NCBP3: variants seen among roughly 807,000 people sequenced by gnomAD.
The protein encoded by NCBP3 is nuclear cap-binding protein subunit 3.
In NCBP3, 20 loss-of-function variants were observed where a neutral mutation model predicts 75.7. That is an observed-to-expected ratio of 0.26 (90% CI 0.19 to 0.38). The LOEUF is 0.38. Among genes scored for constraint, NCBP3 ranks in the 10% least tolerant of loss-of-function variants. NCBP3 has a pLI of 1.00. For synonymous variants in NCBP3, 293 were observed against 290.5 expected (o/e 1.01, Z -0.09); for missense variants, 678 against 796.9 (o/e 0.85, Z 1.80).
In NCBP3 at chr17:3,802,954, TC is replaced by T. The variant is rs1387821784; in HGVS notation, c.*10089del. The stretch of plus-strand genomic sequence containing the variant: ...AGAATGCGGACTCATCCTGCATCCA[TC>T]CAGTATGTATTTATCCAAGCGTCAG... On this transcript the variant is annotated 3_prime_UTR_variant, in exon 13 of 13. Coordinates refer to ENST00000389005, the MANE Select transcript of NCBP3 (RefSeq NM_001114118.3). 1.3e-5 allele frequency: 2 copies of T among 152,336 alleles called. No homozygotes were observed. The highest frequency in any genetic ancestry group is 4.8e-5 in the African/African-American group (2 of 41,562). 9.4% of individuals were successfully genotyped at this position (152,336 alleles called of 1,614,324 possible).
chr17:3,841,602 CTT>C (rs373561293), intron 2 of NCBP3, among the ~76,000 whole-genome samples: 187 of 118,014 alleles, frequency 1.6e-3, no homozygotes, highest in Non-Finnish European at 1.9e-3. Flanking sequence ...AATTCTCTCT[CTT>C]TTTTTTTTTT....
chr17:3,844,877 T>C (rs1597419443), intron 1 of NCBP3, among the ~76,000 whole-genome samples: 2 of 152,296 alleles, frequency 1.3e-5, no homozygotes, highest in Admixed American at 1.3e-4. Flanking sequence ...GAAGTTGCGG[T>C]GAGCCGAGAT....
At chr17:3,837,992 ATT>A (rs370693601) in intron 3 of NCBP3, among the ~76,000 whole-genome samples, 2,299 of 128,834 alleles carry the variant, frequency 0.018, 49 homozygotes, top group African/African-American at 0.056. Flanking sequence ...AAAAAAAAAA[ATT>A]TTTTTAAATT....
At position 3,812,268 on chromosome 17, in the gene NCBP3, T is replaced by C. The variant is rs558638001; in HGVS notation, c.*776A>G. ...AAAATTTAAACTTTCAAATCATTCA[T>C]GTTTTAAACATAATACAGACTTAAA... On this transcript the variant is annotated 3_prime_UTR_variant, in exon 13 of 13. Coordinates refer to ENST00000389005, the MANE Select transcript of NCBP3 (RefSeq NM_001114118.3). The C allele has an allele frequency of 6.5e-6, 1 of 153,240 alleles. No individual in the cohort carries two copies. 9.5% of individuals were successfully genotyped at this position (153,240 alleles called of 1,614,324 possible).
At chr17:3,833,585 T>C (rs576069031) in intron 3 of NCBP3, among the ~76,000 whole-genome samples, 6 of 152,060 alleles carry the variant, frequency 3.9e-5, no homozygotes, top group East Asian at 3.9e-4. Flanking sequence ...GATGAGAGGA[T>C]TGCTTGAGCC....
chr17:3,842,837 G>C (rs879370433), intron 2 of NCBP3, among the ~76,000 whole-genome samples: 1 of 152,056 alleles, frequency 6.6e-6, no homozygotes, highest in African/African-American at 2.4e-5. Flanking sequence ...GTAGAGACGG[G>C]TCTCACTATG....
Position 3,809,882 on chromosome 17 carries a change from A to G in NCBP3, c.*3162T>C, listed in dbSNP as rs2053383341. On this transcript the variant is annotated 3_prime_UTR_variant, in exon 13 of 13. Coordinates refer to ENST00000389005, the MANE Select transcript of NCBP3 (RefSeq NM_001114118.3). ...AAGCTATGACATGGATGAACCTCAG[A>G]AATATGTTAAGAAGCCAGTCACAAA... 6.6e-6 allele frequency: 1 copy of G among 152,204 alleles called. No homozygotes were observed. 9.4% of individuals were successfully genotyped at this position (152,204 alleles called of 1,614,324 possible). A position where few individuals can be genotyped will look rare whatever the true frequency, so the allele number is the denominator to read the frequency against.
At chr17:3,819,766 A>G (rs1179603293) in intron 9 of NCBP3, among the ~76,000 whole-genome samples, 2 of 152,182 alleles carry the variant, frequency 1.3e-5, no homozygotes, top group Non-Finnish European at 2.9e-5. Flanking sequence ...TGTTCCCAAG[A>G]GTTATACTAT....
rs2143633710 is a variant in NCBP3 at position 3,813,277 on chromosome 17, T to C, written c.1630A>G (p.Asn544Asp). The C allele has an allele frequency of 6.2e-7, 1 of 1,613,896 alleles. No individual in the cohort carries two copies. Among genetic ancestry groups the C allele is most frequent in the African/African-American group, 1.3e-5 (1 of 74,992 alleles). ...GCAGATCCTAGGCGAGTCCATAAATTACCTGTTTGGATGAGATGGCATTTC... is the reference window on the plus strand; with the variant it reads ...GCAGATCCTAGGCGAGTCCATAAATCACCTGTTTGGATGAGATGGCATTTC... ...YADTREKKSG[N>D]LWTRLGSAPK... Residue 544 changes from asparagine (N) to aspartate (D), a missense_variant and splice_region_variant, in exon 13 of 13, where the codon AAT becomes GAT. Around this residue, in one of 7 missense-constraint regions of NCBP3, gnomAD observed 365 missense variants for 392.7 expected, o/e 0.93. Coordinates refer to ENST00000389005, the MANE Select transcript of NCBP3 (RefSeq NM_001114118.3).
At position 3,818,599 on chromosome 17, in the gene NCBP3, AG is replaced by A. The variant is rs1434073472; in HGVS notation, c.1001-28del. 6.4e-7 allele frequency: 1 copy of A among 1,572,458 alleles called. No individual in the cohort carries two copies. The highest frequency in any genetic ancestry group is 1.8e-5 in the Admixed American group (1 of 54,620). ...TGAAGAAATTTAACCAGAAAACATTAGGAAAAGCACTAAAATTAACAAGTAT... is the reference window on the plus strand; with the variant it reads ...TGAAGAAATTTAACCAGAAAACATTAGAAAAGCACTAAAATTAACAAGTAT... On this transcript the variant is annotated intron_variant, in intron 9 of 12. Coordinates refer to ENST00000389005, the MANE Select transcript of NCBP3 (RefSeq NM_001114118.3). The surrounding 1 kb of genome is among the most constrained non-coding windows in gnomAD (Gnocchi z 4.7).
At chr17:3,828,896 G>A (rs2053831163) in intron 4 of NCBP3, among the ~76,000 whole-genome samples, 1 of 152,186 alleles carries the variant, frequency 6.6e-6, no homozygotes, top group Admixed American at 6.5e-5. Context: ...CCAAGGCTCT[G>A]AAAATGCAGC....
At chr17:3,845,907 A>G in intron 1 of NCBP3, 134 bp downstream of exon 1, 1 of 992,336 alleles carries the variant, frequency 1.0e-6, no homozygotes, top group Non-Finnish European at 1.4e-6. Flanking sequence ...TCCCGTTCCC[A>G]GGACGCTGGC....
intron 7 of NCBP3, chr17:3,823,748 T>C (rs1488396585): frequency 6.6e-6 from 1 of 152,136 alleles, no homozygotes; most frequent in Admixed American, 6.5e-5. Flanking sequence ...AAATTACAAA[T>C]GGAAGAATAG....
intron 3 of NCBP3, among the ~76,000 whole-genome samples, chr17:3,835,262 G>C (rs940722914): frequency 6.6e-6 from 1 of 152,216 alleles, no homozygotes; most frequent in African/African-American, 2.4e-5. Flanking sequence ...GTTCTGATGG[G>C]CACAATTCCT....
chr17:3,834,334 C>T (rs1285160762), intron 3 of NCBP3, among the ~76,000 whole-genome samples: 1 of 152,240 alleles, frequency 6.6e-6, no homozygotes, highest in Non-Finnish European at 1.5e-5. Context: ...AACACACAGA[C>T]TGTTGACAAT....
At chr17:3,819,372 A>G (rs1451319134) in intron 9 of NCBP3, among the ~76,000 whole-genome samples, 2 of 152,160 alleles carry the variant, frequency 1.3e-5, no homozygotes, top group Admixed American at 6.5e-5. Context: ...CCTGGCTAAC[A>G]TGCTAATACC....
At position 3,818,536 on chromosome 17, in the gene NCBP3, T is replaced by C; in HGVS notation, c.1037A>G (p.Glu346Gly). Residue 346 changes from glutamate to glycine, a missense_variant, in exon 10 of 13, where the codon GAG becomes GGG. Coordinates refer to ENST00000389005, the MANE Select transcript of NCBP3 (RefSeq NM_001114118.3). This position sits in a 1 kb window ranked among gnomAD's most constrained non-coding sequence, Gnocchi z 4.7. ...VNVPEEPIEE[E>G]EEEEEEEEEE... The stretch of plus-strand genomic sequence containing the variant: ...CTCTTCCTCCTCCTCCTCCTCTTCC[T>C]CCTCTTCAATGGGTTCCTCGGGAAC... 6.2e-7 allele frequency: 1 copy of C among 1,610,566 alleles called. No individual in the cohort carries two copies. The highest frequency in any genetic ancestry group is 8.5e-7 in the Non-Finnish European group (1 of 1,179,888).
At chr17:3,820,808 G>A (rs905451909) in intron 9 of NCBP3, among the ~76,000 whole-genome samples, 1 of 152,060 alleles carries the variant, frequency 6.6e-6, no homozygotes, top group Non-Finnish European at 1.5e-5. Context: ...GCGCATGCCT[G>A]TAGTCCCAGC....
At position 3,840,214 on chromosome 17, in the gene NCBP3, T is replaced by C. The variant is rs1225550608; in HGVS notation, c.250-9A>G. ...TTCTTTTCAATTGCTTCCTAGAAAG[T>C]ACAGAAAAAGTGAAAGTAGTAAAAT... On this transcript the variant is annotated splice_polypyrimidine_tract_variant and intron_variant, in intron 2 of 12. Transcript: ENST00000389005. 21 of 1,550,246 alleles carry C rather than the reference T, an allele frequency of 1.4e-5. No individual in the cohort carries two copies. The highest frequency in any genetic ancestry group is 1.7e-5 in the Non-Finnish European group (19 of 1,145,820).
Sources: allele counts gnomAD v4.1 joint callset (sites outside exome capture counted in the v4.1 genomes callset), GRCh38; gene constraint gnomAD v4.1.1; regional missense constraint gnomAD v4.1.1; non-coding constraint Gnocchi (gnomAD v3.1); transcripts MANE v1.5; gene names NCBI Gene and HGNC (gene_info 2026-07-23, HGNC 2026-07-21).